Variants in PCDHGA3 observed in about 807,000 individuals in gnomAD.
PCDHGA3 encodes the protein protocadherin gamma-A3.
In PCDHGA3, 40 loss-of-function variants were observed where a neutral mutation model predicts 58.5. The observed-to-expected ratio is 0.68, with a 90% confidence interval of 0.53 to 0.89. PCDHGA3 has a LOEUF of 0.89. Among genes scored for constraint, PCDHGA3 ranks in the 40% least tolerant of loss-of-function variants. PCDHGA3 has a pLI of 0.00. For synonymous variants in PCDHGA3, 530 were observed against 525.7 expected (o/e 1.01, Z -0.11); for missense variants, 1,223 against 1,195.9 (o/e 1.02, Z -0.33).
chr5:141,395,809 A>T (rs1448942836), intron 1 of PCDHGA3: 1 of 152,108 alleles, frequency 6.6e-6, no homozygotes, highest in Non-Finnish European at 1.5e-5. Flanking sequence ...CCTTCAAAAC[A>T]TGAACAAACT....
intron 1 of PCDHGA3, chr5:141,410,296 A>G (rs1424650333): frequency 6.2e-7 from 1 of 1,613,774 alleles, no homozygotes; most frequent in Admixed American, 1.7e-5. Flanking sequence ...CCTTGGCCTT[A>G]ATCTCAGTGC....
intron 1 of PCDHGA3, chr5:141,388,285 C>T (rs773340535): frequency 1.9e-6 from 3 of 1,613,200 alleles, no homozygotes; most frequent in Non-Finnish European, 2.5e-6. Flanking sequence ...CCAAAATTCA[C>T]GCAAAATTCC....
intron 1 of PCDHGA3, chr5:141,413,959 G>A: frequency 1.9e-6 from 3 of 1,613,372 alleles, no homozygotes; most frequent in Middle Eastern, 3.3e-4. Context: ...TTTGCCTGTG[G>A]GCACTCAGCT....
At position 141,383,558 on chromosome 5, in the gene PCDHGA3, C is replaced by T. The variant is rs374657057; in HGVS notation, c.2424+37101C>T. Reference sequence around the variant, plus strand: ...CTCACAGCCTCTGATGGCGGCGACCCGCCCCGATCCAGCACCGCCCACATC... The same window carrying T: ...CTCACAGCCTCTGATGGCGGCGACCTGCCCCGATCCAGCACCGCCCACATC... On this transcript the variant is annotated intron_variant, in intron 1 of 3. Coordinates refer to ENST00000253812, the MANE Select transcript of PCDHGA3 (RefSeq NM_018916.4). 17 of 1,612,704 alleles carry T rather than the reference C, an allele frequency of 1.1e-5. No homozygotes were observed. The African/African-American group carries it at 2.0e-4, about 19-fold the overall frequency.
chr5:141,386,866 A>G (rs2150322529), intron 1 of PCDHGA3, among the ~76,000 whole-genome samples: 1 of 152,364 alleles, frequency 6.6e-6, no homozygotes, highest in East Asian at 1.9e-4. Context: ...AGCTATTGCA[A>G]TCAAACTTTC....
At chr5:141,429,945 T>C (rs1443623730) in intron 1 of PCDHGA3, among the ~76,000 whole-genome samples, 1 of 152,222 alleles carries the variant, frequency 6.6e-6, no homozygotes, top group East Asian at 1.9e-4. Flanking sequence ...ACTTCCATTA[T>C]TTCCAGTCAA....
intron 1 of PCDHGA3, among the ~76,000 whole-genome samples, chr5:141,494,030 A>G (rs1165393646): frequency 6.6e-6 from 1 of 151,978 alleles, no homozygotes; most frequent in Non-Finnish European, 1.5e-5. Context: ...AGCCCTGGAG[A>G]CTTAGTTGGC....
chr5:141,348,614 T>C (rs1195688404), intron 1 of PCDHGA3, among the ~76,000 whole-genome samples: 1 of 152,210 alleles, frequency 6.6e-6, no homozygotes, highest in Admixed American at 6.5e-5. Context: ...CCCATACAAT[T>C]CCACCTACTT....
Position 141,433,059 on chromosome 5 carries a change from A to G in PCDHGA3, c.2425-61748A>G, listed in dbSNP as rs745951077. 1.1e-5 allele frequency: 18 copies of G among 1,614,000 alleles called. No individual in the cohort carries two copies. In the East Asian group the frequency reaches 3.8e-4, roughly 34 times the overall value. On this transcript the variant is annotated intron_variant, in intron 1 of 3. Transcript: ENST00000253812. ...CTCACCACGGACTCGCGGAAGAGTC[A>G]CCTGATCTTCCCCCAGCCCAACTAT...
At chr5:141,364,396 G>T in intron 1 of PCDHGA3, 3 of 1,604,434 alleles carry the variant, frequency 1.9e-6, no homozygotes, top group Non-Finnish European at 2.6e-6. Context: ...TCCTGGGGAC[G>T]CTGTGCGAGC....
intron 1 of PCDHGA3, chr5:141,378,418 G>T (rs1018299998): frequency 6.6e-6 from 1 of 152,330 alleles, no homozygotes; most frequent in African/African-American, 2.4e-5. Flanking sequence ...AGCTACTCGG[G>T]AGGCTGAGGC....
intron 1 of PCDHGA3, among the ~76,000 whole-genome samples, chr5:141,446,448 T>C (rs954515926): frequency 2.6e-5 from 4 of 152,028 alleles, no homozygotes; most frequent in Non-Finnish European, 5.9e-5. Context: ...ACAGTGCAGA[T>C]ATTCAGTGTG....
intron 1 of PCDHGA3, chr5:141,351,652 C>T (rs778580373): frequency 4.3e-6 from 7 of 1,614,054 alleles, no homozygotes; most frequent in Non-Finnish European, 5.9e-6. Flanking sequence ...ACCCACCTGG[C>T]GCCTCCATTG....
At chr5:141,479,056 A>G (rs952560687) in intron 1 of PCDHGA3, among the ~76,000 whole-genome samples, 1 of 152,098 alleles carries the variant, frequency 6.6e-6, no homozygotes, top group Admixed American at 6.5e-5. Context: ...TTCTCAGATA[A>G]TTTTTTATGA....
intron 1 of PCDHGA3, among the ~76,000 whole-genome samples, chr5:141,445,609 T>A (rs900534761): frequency 1.3e-5 from 2 of 152,220 alleles, no homozygotes; most frequent in African/African-American, 4.8e-5. Flanking sequence ...CAAGGAAGGC[T>A]TTCTTTTTTT....
chr5:141,389,081 G>C (rs371979686), intron 1 of PCDHGA3: 2 of 1,613,978 alleles, frequency 1.2e-6, no homozygotes, highest in Admixed American at 1.7e-5. Flanking sequence ...CAAGAAACAC[G>C]TATAAATTAG....
At chr5:141,353,093 G>T (rs1040742747) in intron 1 of PCDHGA3, among the ~76,000 whole-genome samples, 2 of 152,022 alleles carry the variant, frequency 1.3e-5, no homozygotes, top group African/African-American at 2.4e-5. Context: ...TGCGGGAGGG[G>T]GTACTAGATA....
intron 1 of PCDHGA3, chr5:141,400,564 C>T: frequency 6.2e-7 from 1 of 1,612,936 alleles, no homozygotes; most frequent in South Asian, 1.1e-5. Context: ...ATTACCCACC[C>T]AATTTTCTGT....
intron 1 of PCDHGA3, among the ~76,000 whole-genome samples, chr5:141,450,829 A>ATTTT (rs373424450): frequency 2.2e-4 from 30 of 135,142 alleles, no homozygotes; most frequent in African/African-American, 6.3e-4. Flanking sequence ...TATTATTATT[A>ATTTT]TTTTTTTTTT....
Sources: allele counts gnomAD v4.1 joint callset (sites outside exome capture counted in the v4.1 genomes callset), GRCh38; gene constraint gnomAD v4.1.1; transcripts MANE v1.5; gene names NCBI Gene and HGNC (gene_info 2026-07-23, HGNC 2026-07-21).